Variants in TUSC3 observed in about 807,000 individuals in gnomAD.
TUSC3 encodes the protein dolichyl-diphosphooligosaccharide--protein glycosyltransferase subunit TUSC3.
In TUSC3, 45 loss-of-function variants were observed where a neutral mutation model predicts 44.8. The ratio of observed to expected loss-of-function variants is 1.00; its 90% confidence interval spans 0.79 to 1.29. The LOEUF (loss-of-function observed/expected upper bound fraction) is 1.29, where lower values mean the gene tolerates loss of function less well. Ranked by LOEUF, TUSC3 falls within the 50% of genes most tolerant of loss-of-function variation. TUSC3 has a pLI of 0.00. For missense variants in TUSC3, 519 were observed against 437.9 expected, an observed-to-expected ratio of 1.19 and a Z score of -1.65; for synonymous variants, 212 against 152.9, an observed-to-expected ratio of 1.39 and a Z score of -2.85.
chr8:15,438,865 C>T (rs1034909065), intron 1 of TUSC3, among the ~76,000 whole-genome samples: 1 of 152,144 alleles, frequency 6.6e-6, no homozygotes, highest in Non-Finnish European at 1.5e-5. Flanking sequence ...TGGTGGGAAA[C>T]ACACAGTACA....
intron 2 of TUSC3, among the ~76,000 whole-genome samples, chr8:15,515,807 A>G (rs1263239636): frequency 1.3e-5 from 2 of 151,976 alleles, no homozygotes; most frequent in Admixed American, 1.3e-4. Flanking sequence ...AGCTGGGACT[A>G]CAGTCTCTCG....
chr8:15,712,554 A>T (rs1233526557), intron 6 of TUSC3, among the ~76,000 whole-genome samples: 1 of 151,812 alleles, frequency 6.6e-6, no homozygotes, highest in Admixed American at 6.6e-5. Flanking sequence ...CACCCCTTTT[A>T]AAAAGGATTT....
chr8:15,569,018 A>T (rs1238408556), intron 1 of TUSC3, among the ~76,000 whole-genome samples: 1 of 152,140 alleles, frequency 6.6e-6, no homozygotes, highest in African/African-American at 2.4e-5. Context: ...CCTGATTTAC[A>T]TTAGATAGTT....
At position 15,541,162 on chromosome 8, in the gene TUSC3, A is replaced by C. The variant is rs551861281; in HGVS notation, c.138+594A>C. On this transcript the variant is annotated intron_variant, in intron 1 of 10. Transcript: ENST00000503731. ...GTTTACTTTACGTTGAACTCAGTGT[A>C]TACTTGTGAAAATAACCTGCCATTT... 5.3e-4 allele frequency among the ~76,000 whole-genome samples: 80 copies of C among 152,212 alleles called. 1 individual carries two copies. Among genetic ancestry groups the C allele is most frequent in the Non-Finnish European group, 1.0e-3 (70 of 68,034 alleles).
At chr8:15,612,743 TTTTTG>T (rs1400784632) in intron 1 of TUSC3, among the ~76,000 whole-genome samples, 1 of 152,110 alleles carries the variant, frequency 6.6e-6, no homozygotes, top group Non-Finnish European at 1.5e-5. Flanking sequence ...GGATGGGGCT[TTTTTG>T]TTTTGTTTTG....
At chr8:15,769,524 G>A (rs1368028092), downstream of TUSC3, among the ~76,000 whole-genome samples, 1 of 152,114 alleles carries the variant, frequency 6.6e-6, no homozygotes, top group Non-Finnish European at 1.5e-5. Context: ...CATGGACAAA[G>A]ACTTCATGAC....
chr8:15,712,295 T>A (rs1167984715), intron 6 of TUSC3, among the ~76,000 whole-genome samples: 1 of 152,028 alleles, frequency 6.6e-6, no homozygotes, highest in East Asian at 1.9e-4. Context: ...GTTGATTCTT[T>A]TAGCAAACTA....
chr8:15,620,269 A>G (rs1805185012), intron 1 of TUSC3, among the ~76,000 whole-genome samples: 2 of 152,308 alleles, frequency 1.3e-5, no homozygotes, highest in South Asian at 4.1e-4. Context: ...GTTTGTAAGG[A>G]AGTGTAGTCA....
At chr8:15,649,325 C>A (rs973854356) in intron 2 of TUSC3, among the ~76,000 whole-genome samples, 6 of 152,086 alleles carry the variant, frequency 3.9e-5, no homozygotes, top group Non-Finnish European at 5.9e-5. Context: ...TGGCTCACGC[C>A]TGTAATCCCA....
intron 2 of TUSC3, among the ~76,000 whole-genome samples, chr8:15,511,852 C>T (rs1235343699): frequency 2.1e-5 from 3 of 144,358 alleles, no homozygotes; most frequent in African/African-American, 7.4e-5. Context: ...GCCTGGGCGA[C>T]AGAGCAAGAC....
At chr8:15,481,137 A>C (rs776559352) in intron 1 of TUSC3, among the ~76,000 whole-genome samples, 32 of 151,552 alleles carry the variant, frequency 2.1e-4, no homozygotes, top group Non-Finnish European at 4.3e-4. Flanking sequence ...AATCCCAGCT[A>C]CTTGGGAGGC....
chr8:15,544,571 C>G (rs1051864737), intron 1 of TUSC3, among the ~76,000 whole-genome samples: 1 of 151,726 alleles, frequency 6.6e-6, no homozygotes, highest in African/African-American at 2.4e-5. Flanking sequence ...TTCTATATGT[C>G]ATTAATGTTT....
At chr8:15,450,263 A>G (rs944240127) in intron 1 of TUSC3, among the ~76,000 whole-genome samples, 6 of 152,206 alleles carry the variant, frequency 3.9e-5, no homozygotes, top group African/African-American at 1.4e-4. Flanking sequence ...TTTTACTTGT[A>G]TAACAAGCTT....
chr8:15,808,473 A>G, the TUSC3 span, among the ~76,000 whole-genome samples: 2 of 152,058 alleles, frequency 1.3e-5, no homozygotes, highest in Non-Finnish European at 2.9e-5. Flanking sequence ...GGGGTTAGAA[A>G]AGTTCTCTCA....
chr8:15,441,129 A>G lies in TUSC3; in HGVS notation n.91+23824A>G, dbSNP rs1800015414. ...ATTAAAAATCAAGTAAGTGATGGCC[A>G]GGCACAGTGGCTCACGCCTGTAATC... On this transcript the variant is annotated intron_variant and non_coding_transcript_variant, in intron 1 of 5. Transcript: ENST00000503191. Among the ~76,000 whole-genome samples, 4 of 152,258 alleles carry G rather than the reference A, an allele frequency of 2.6e-5. No individual in the cohort carries two copies. In the South Asian group the frequency reaches 8.3e-4, roughly 31 times the overall value.
chr8:15,609,732 G>T (rs1196920774), intron 1 of TUSC3, among the ~76,000 whole-genome samples: 2 of 150,360 alleles, frequency 1.3e-5, no homozygotes, highest in African/African-American at 2.4e-5. Flanking sequence ...GTGAAAAATT[G>T]TCAGGAGGAC....
chr8:15,674,045 G>A (rs867091216), intron 6 of TUSC3, among the ~76,000 whole-genome samples: 5 of 151,972 alleles, frequency 3.3e-5, no homozygotes, highest in African/African-American at 9.7e-5. Context: ...GGCTGCTTTA[G>A]TGTTGATTTA....
chr8:15,690,908 C>A (rs571689497), intron 6 of TUSC3, among the ~76,000 whole-genome samples: 1 of 151,526 alleles, frequency 6.6e-6, no homozygotes, highest in Non-Finnish European at 1.5e-5. Flanking sequence ...TGTAGCATTG[C>A]AGTATAGTTT....
intron 1 of TUSC3, among the ~76,000 whole-genome samples, chr8:15,468,559 C>T (rs958897813): frequency 6.6e-6 from 1 of 152,126 alleles, no homozygotes; most frequent in Non-Finnish European, 1.5e-5. Flanking sequence ...ACTAGATATT[C>T]TTTGTTTTTT....
Sources: gnomAD v4.1 joint callset for allele counts (sites outside exome capture counted in the v4.1 genomes callset) on GRCh38, gnomAD v4.1.1 for gene constraint, MANE v1.5 for transcripts, NCBI Gene and HGNC (gene_info 2026-07-23, HGNC 2026-07-21) for gene names.